Variants in RBFOX1 observed in about 807,000 individuals in gnomAD.
The protein encoded by RBFOX1 is RNA binding fox-1 homolog 1.
A neutral mutation model predicts 57.7 loss-of-function variants in RBFOX1; 8 were observed. The observed-to-expected ratio is 0.14, with a 90% CI of 0.08 to 0.25. The LOEUF is 0.25. RBFOX1 is among the 10% of genes least tolerant of loss of function. The pLI is 1.00. For synonymous variants in RBFOX1, 326 were observed against 222.4 expected (o/e 1.47, Z -4.15); for missense variants, 611 against 548.5 (o/e 1.11, Z -1.14).
chr16:5,473,325 C>G (rs2069202085), intron 2 of RBFOX1, among the ~76,000 whole-genome samples: 1 of 152,202 alleles, frequency 6.6e-6, no homozygotes, highest in African/African-American at 2.4e-5. Context: ...CCTGACACCT[C>G]ATTACTCCTG....
intron 3 of RBFOX1, among the ~76,000 whole-genome samples, chr16:5,717,238 C>G (rs1291217264): frequency 6.6e-6 from 1 of 152,044 alleles, no homozygotes; most frequent in Non-Finnish European, 1.5e-5. Context: ...AAAGGATTTT[C>G]TTGTGTGATA....
chr16:7,096,913 C>T (rs957271364), intron 4 of RBFOX1, among the ~76,000 whole-genome samples: 7 of 110,612 alleles, frequency 6.3e-5, no homozygotes, highest in African/African-American at 2.2e-4. Context: ...GCTTGGGTGA[C>T]AGAGCGAGAC....
intron 4 of RBFOX1, among the ~76,000 whole-genome samples, chr16:7,447,778 G>T (rs141699037): frequency 1.0e-3 from 154 of 152,352 alleles, no homozygotes; most frequent in African/African-American, 3.7e-3. Context: ...AAATGCATTT[G>T]TTGAAGGTTA....
chr16:7,266,719 A>T (rs2095157188), intron 4 of RBFOX1, among the ~76,000 whole-genome samples: 1 of 152,218 alleles, frequency 6.6e-6, no homozygotes, highest in Admixed American at 6.5e-5. Flanking sequence ...TTTGACAATA[A>T]AAAAGTAAGC....
chr16:6,260,761 A>G (rs2097697161), intron 1 of RBFOX1, among the ~76,000 whole-genome samples: 1 of 152,056 alleles, frequency 6.6e-6, no homozygotes, highest in African/African-American at 2.4e-5. Flanking sequence ...CACACCTGTA[A>G]TCTCAGCTAC....
chr16:5,699,118 G>A (rs1469666976), intron 3 of RBFOX1, among the ~76,000 whole-genome samples: 1 of 151,704 alleles, frequency 6.6e-6, no homozygotes, highest in Non-Finnish European at 1.5e-5. Context: ...CTCCCGAGCA[G>A]CTGGGTCTAT....
intron 3 of RBFOX1, among the ~76,000 whole-genome samples, chr16:6,884,490 C>T (rs566548824): frequency 6.6e-6 from 1 of 152,182 alleles, no homozygotes; most frequent in South Asian, 2.1e-4. Flanking sequence ...TGTTAAGTAC[C>T]TACCATTTGC....
chr16:5,542,026 G>T (rs1423038555), intron 2 of RBFOX1, among the ~76,000 whole-genome samples: 1 of 152,076 alleles, frequency 6.6e-6, no homozygotes, highest in Non-Finnish European at 1.5e-5. Flanking sequence ...GTTCACTTGC[G>T]ATCAAAATAT....
chr16:7,507,330 G>C (rs992860931), intron 4 of RBFOX1, among the ~76,000 whole-genome samples: 4 of 152,096 alleles, frequency 2.6e-5, no homozygotes, highest in Non-Finnish European at 4.4e-5. Flanking sequence ...TCTCTCATGT[G>C]TGTAGATTAT....
intron 4 of RBFOX1, among the ~76,000 whole-genome samples, chr16:7,262,425 C>T (rs1222568350): frequency 6.6e-6 from 1 of 152,036 alleles, no homozygotes; most frequent in African/African-American, 2.4e-5. Context: ...TGAAAAATTG[C>T]AATAAGTGAA....
intron 1 of RBFOX1, among the ~76,000 whole-genome samples, chr16:6,260,980 A>G (rs567115815): frequency 2.6e-4 from 40 of 152,340 alleles, no homozygotes; most frequent in African/African-American, 9.1e-4. Flanking sequence ...CCCTCTGGAC[A>G]TGGACAAAAT....
intron 3 of RBFOX1, among the ~76,000 whole-genome samples, chr16:6,710,848 A>C (rs1295959159): frequency 6.6e-6 from 1 of 152,218 alleles, no homozygotes; most frequent in Non-Finnish European, 1.5e-5. Context: ...AAATTTGGTG[A>C]GGAAAAGGAG....
At chr16:5,756,994 C>G (rs1278898884) in intron 3 of RBFOX1, among the ~76,000 whole-genome samples, 3 of 152,156 alleles carry the variant, frequency 2.0e-5, no homozygotes, top group African/African-American at 2.4e-5. Context: ...TTATTCTTAA[C>G]ACAATAGAAA....
chr16:6,588,632 A>G (rs1035475431), intron 2 of RBFOX1, among the ~76,000 whole-genome samples: 1 of 152,228 alleles, frequency 6.6e-6, no homozygotes, highest in Non-Finnish European at 1.5e-5. Flanking sequence ...AGTCTGGGCA[A>G]CAGAGTGAGA....
At chr16:6,452,053 T>A (rs1287552464) in intron 2 of RBFOX1, among the ~76,000 whole-genome samples, 1 of 150,108 alleles carries the variant, frequency 6.7e-6, no homozygotes, top group Non-Finnish European at 1.5e-5. Flanking sequence ...CATGGCTCCA[T>A]CCATGGATCC....
intron 3 of RBFOX1, among the ~76,000 whole-genome samples, chr16:6,710,184 G>A (rs779596081): frequency 1.3e-5 from 2 of 152,004 alleles, no homozygotes; most frequent in South Asian, 2.1e-4. Context: ...TTTCTAATTT[G>A]GTTTAACTTC....
chr16:6,951,824 C>G (rs141556644), intron 3 of RBFOX1, among the ~76,000 whole-genome samples: 1,977 of 152,242 alleles, frequency 0.013, 44 homozygotes, highest in African/African-American at 0.045. Flanking sequence ...ACCTCCGCCT[C>G]CTGGGTTCAA....
At chr16:6,997,992 TA>T (rs150385694) in intron 3 of RBFOX1, among the ~76,000 whole-genome samples, 4,140 of 151,096 alleles carry the variant, frequency 0.027, 184 homozygotes, top group African/African-American at 0.096. Context: ...CCTAGCAAAG[TA>T]AAAAAAAACT....
intron 3 of RBFOX1, among the ~76,000 whole-genome samples, chr16:5,785,572 G>C (rs917310228): frequency 6.6e-6 from 1 of 151,772 alleles, no homozygotes; most frequent in African/African-American, 2.4e-5. Flanking sequence ...TTGTTGCCCA[G>C]ACTGGAGTGC....
Sources: gnomAD v4.1 joint callset for allele counts (sites outside exome capture counted in the v4.1 genomes callset) on GRCh38, gnomAD v4.1.1 for gene constraint, MANE v1.5 for transcripts, NCBI Gene and HGNC (gene_info 2026-07-23, HGNC 2026-07-21) for gene names.